The following SGCZ variants were observed in gnomAD, a reference collection of about 807,000 sequenced individuals.
SGCZ encodes the protein zeta-sarcoglycan.
In SGCZ, 40 loss-of-function variants were observed where a neutral mutation model predicts 41.3. That is an observed-to-expected ratio of 0.97 (90% CI 0.75 to 1.26). The LOEUF (loss-of-function observed/expected upper bound fraction) is 1.26. SGCZ is among the 50% of genes most tolerant of loss of function. The probability of loss-of-function intolerance (pLI) is 0.00; values close to 1 mark genes in which losing one functional copy is unlikely to be tolerated. For missense variants in SGCZ, 552 were observed against 369.8 expected, an observed-to-expected ratio of 1.49 and a Z score of -4.04; for synonymous variants, 206 against 137.5, an observed-to-expected ratio of 1.50 and a Z score of -3.49.
intron 1 of SGCZ, among the ~76,000 whole-genome samples, chr8:15,017,497 T>C (rs1202151602): frequency 6.6e-6 from 1 of 152,146 alleles, no homozygotes; most frequent in Non-Finnish European, 1.5e-5. Context: ...CAAACTGATA[T>C]TAGCATCACA....
At chr8:14,831,644 GTA>G (rs770631445) in intron 1 of SGCZ, among the ~76,000 whole-genome samples, 5,120 of 150,146 alleles carry the variant, frequency 0.034, 129 homozygotes, top group Non-Finnish European at 0.054. Flanking sequence ...GTGTGTGTGT[GTA>G]TATATATATA....
chr8:14,550,989 A>G (rs933394697), intron 2 of SGCZ, among the ~76,000 whole-genome samples: 1 of 151,838 alleles, frequency 6.6e-6, no homozygotes, highest in Non-Finnish European at 1.5e-5. Flanking sequence ...TCTTTCCCCA[A>G]TTTGTTTAAT....
intron 1 of SGCZ, among the ~76,000 whole-genome samples, chr8:14,699,884 C>A (rs1367746340): frequency 1.3e-5 from 2 of 151,918 alleles, no homozygotes; most frequent in Admixed American, 6.6e-5. Flanking sequence ...TAGAGAAATG[C>A]AAATCAAAAC....
chr8:14,378,089 C>T (rs899176130), intron 2 of SGCZ, among the ~76,000 whole-genome samples: 15 of 149,804 alleles, frequency 1.0e-4, no homozygotes, highest in African/African-American at 3.8e-4. Flanking sequence ...GTTCTAGATC[C>T]CTGAGGAATC....
chr8:14,459,883 A>T (rs949316463), intron 2 of SGCZ, among the ~76,000 whole-genome samples: 1 of 152,188 alleles, frequency 6.6e-6, no homozygotes, highest in East Asian at 1.9e-4. Flanking sequence ...CAAAATAACT[A>T]AACAGTATTC....
intron 2 of SGCZ, among the ~76,000 whole-genome samples, chr8:14,489,180 T>G (rs974111141): frequency 5.9e-5 from 9 of 152,236 alleles, no homozygotes; most frequent in African/African-American, 2.2e-4. Flanking sequence ...CGAATTAGTT[T>G]AACAAGGCTG....
At chr8:14,444,920 A>AC (rs752207413) in intron 2 of SGCZ, among the ~76,000 whole-genome samples, 2 of 152,010 alleles carry the variant, frequency 1.3e-5, no homozygotes, top group African/African-American at 2.4e-5. Flanking sequence ...TTCCAAACAA[A>AC]CCTGCTCTGA....
chr8:14,883,783 T>G (rs532143631), intron 1 of SGCZ, among the ~76,000 whole-genome samples: 5 of 151,164 alleles, frequency 3.3e-5, no homozygotes, highest in South Asian at 4.2e-4. Context: ...GTTGTTTTTT[T>G]TTTTTTTTTT....
intron 1 of SGCZ, among the ~76,000 whole-genome samples, chr8:14,619,743 A>C (rs1157169881): frequency 6.6e-6 from 1 of 152,192 alleles, no homozygotes; most frequent in African/African-American, 2.4e-5. Flanking sequence ...AGGGATTTGA[A>C]GGACCTTTTC....
At chr8:14,457,367 A>C (rs78281636) in intron 2 of SGCZ, among the ~76,000 whole-genome samples, 95 of 152,310 alleles carry the variant, frequency 6.2e-4, no homozygotes, top group African/African-American at 2.1e-3. Context: ...TACCAGGTGG[A>C]TCATGGTCCA....
At chr8:14,962,212 T>C (rs1392229689) in intron 1 of SGCZ, among the ~76,000 whole-genome samples, 1 of 152,126 alleles carries the variant, frequency 6.6e-6, no homozygotes, top group Non-Finnish European at 1.5e-5. Context: ...TTTCCAAATC[T>C]CTGTTTCACT....
chr8:14,990,407 T>A (rs924105456), intron 1 of SGCZ, among the ~76,000 whole-genome samples: 1 of 152,112 alleles, frequency 6.6e-6, no homozygotes, highest in Non-Finnish European at 1.5e-5. Context: ...CCAAGCTGCA[T>A]CTGTACTTTC....
At chr8:15,003,258 G>T (rs1267807288) in intron 1 of SGCZ, among the ~76,000 whole-genome samples, 2 of 152,172 alleles carry the variant, frequency 1.3e-5, no homozygotes, top group Non-Finnish European at 2.9e-5. Context: ...TGCTCTGAAA[G>T]ACGAAGCAGA....
chr8:14,579,107 C>T (rs933487359), intron 1 of SGCZ, among the ~76,000 whole-genome samples: 1 of 152,048 alleles, frequency 6.6e-6, no homozygotes, highest in African/African-American at 2.4e-5. Flanking sequence ...GGGTTTCTTT[C>T]CCAGCAACAG....
chr8:14,346,285 T>A (rs977737854), intron 2 of SGCZ, among the ~76,000 whole-genome samples: 4 of 152,022 alleles, frequency 2.6e-5, no homozygotes, highest in Non-Finnish European at 4.4e-5. Flanking sequence ...ATCTATTAAT[T>A]AAAAAATTCT....
intron 1 of SGCZ, among the ~76,000 whole-genome samples, chr8:15,045,206 A>G (rs1050987522): frequency 3.9e-5 from 6 of 152,074 alleles, no homozygotes; most frequent in Non-Finnish European, 4.4e-5. Context: ...AGAACATGTA[A>G]TAAACAATAT....
intron 1 of SGCZ, among the ~76,000 whole-genome samples, chr8:15,156,193 CAATT>C (rs1181871694): frequency 6.6e-6 from 1 of 151,986 alleles, no homozygotes; most frequent in East Asian, 1.9e-4. Flanking sequence ...CAAGGAGACT[CAATT>C]AATTACTTTA....
At chr8:14,374,736 G>C (rs1034470098) in intron 2 of SGCZ, among the ~76,000 whole-genome samples, 1 of 152,226 alleles carries the variant, frequency 6.6e-6, no homozygotes, top group Admixed American at 6.5e-5. Context: ...TTTTCTAATG[G>C]AGAACTTGGA....
intron 3 of SGCZ, among the ~76,000 whole-genome samples, chr8:14,254,292 T>G (rs1012754918): frequency 2.0e-5 from 3 of 152,192 alleles, no homozygotes; most frequent in African/African-American, 7.2e-5. Context: ...AGAAAAATAT[T>G]TTCCCACAAT....
Sources: allele counts gnomAD v4.1 joint callset (sites outside exome capture counted in the v4.1 genomes callset), GRCh38; gene constraint gnomAD v4.1.1; transcripts MANE v1.5; gene names NCBI Gene and HGNC (gene_info 2026-07-23, HGNC 2026-07-21).